The following GLP2R variants were observed in gnomAD, a reference collection of about 807,000 sequenced individuals.
GLP2R encodes the protein glucagon like peptide 2 receptor.
Under a neutral mutation model 68.2 loss-of-function variants are expected in GLP2R, and 59 were observed. That is an observed-to-expected ratio of 0.87 (90% CI 0.70 to 1.07). The LOEUF (loss-of-function observed/expected upper bound fraction) is 1.07, where lower values mean the gene tolerates loss of function less well. Ranked by LOEUF, GLP2R falls within the 50% of genes least tolerant of loss-of-function variation. The pLI, the probability that GLP2R is intolerant of heterozygous loss-of-function variation, is 0.00. For missense variants in GLP2R, 548 were observed against 677.4 expected, an observed-to-expected ratio of 0.81 and a Z score of 2.12; for synonymous variants, 270 against 265.4, an observed-to-expected ratio of 1.02 and a Z score of -0.17.
intron 5 of GLP2R, among the ~76,000 whole-genome samples, chr17:9,856,497 G>T (rs1436594193): frequency 1.3e-5 from 2 of 152,204 alleles, no homozygotes; most frequent in Admixed American, 1.3e-4. Flanking sequence ...CTTTCCTCTG[G>T]TGACAGCAAG....
At chr17:9,883,590 A>G (rs1278378710) in intron 11 of GLP2R, among the ~76,000 whole-genome samples, 1 of 152,366 alleles carries the variant, frequency 6.6e-6, no homozygotes, top group South Asian at 2.1e-4. Flanking sequence ...AAAAATGAAG[A>G]GAAAATATTG....
chr17:9,836,823 GTTATTA>G (rs58592727), intron 3 of GLP2R, among the ~76,000 whole-genome samples: 53 of 150,370 alleles, frequency 3.5e-4, no homozygotes, highest in African/African-American at 1.1e-3. Flanking sequence ...GGACGATCAA[GTTATTA>G]TTATTATTAT....
At chr17:9,833,631 T>C (rs1237919624) in intron 1 of GLP2R, among the ~76,000 whole-genome samples, 176 bp from the exon 2 acceptor site, 1 of 152,198 alleles carries the variant, frequency 6.6e-6, no homozygotes, top group Non-Finnish European at 1.5e-5. Context: ...ATGGAGTGAA[T>C]GTAAAATTTG....
chr17:9,865,561 G>A (rs894382835), intron 9 of GLP2R, among the ~76,000 whole-genome samples: 1 of 152,048 alleles, frequency 6.6e-6, no homozygotes, highest in African/African-American at 2.4e-5. Flanking sequence ...TGCTCTACTC[G>A]TATGGATACA....
chr17:9,860,166 A>G (rs1416775128), intron 7 of GLP2R, 65 bp downstream of exon 7: 2 of 1,419,368 alleles, frequency 1.4e-6, no homozygotes, highest in Admixed American at 5.2e-5. Flanking sequence ...CCTGATAGAG[A>G]CTTTAGTTGG....
Position 9,826,164 on chromosome 17 carries a change from C to T in GLP2R, c.101C>T (p.Thr34Ile). Residue 34 changes from threonine to isoleucine, a missense_variant, in exon 1 of 13, where the codon ACC becomes ATC. Coordinates refer to ENST00000262441, the MANE Select transcript of GLP2R (RefSeq NM_004246.3). The stretch of plus-strand genomic sequence containing the variant: ...ATGGGCATCCCTGCCCCCTGGGGGA[C>T]CAGTCCTCTCTCCTTCCACAGGAAG... ...LPMGIPAPWG[T>I]SPLSFHRKCS... 1 of 1,613,154 alleles carries T rather than the reference C, an allele frequency of 6.2e-7. No homozygotes were observed.
At chr17:9,844,552 A>G (rs1299322937) in intron 4 of GLP2R, among the ~76,000 whole-genome samples, 4 of 151,872 alleles carry the variant, frequency 2.6e-5, no homozygotes, top group African/African-American at 9.7e-5. Flanking sequence ...AGCCAAGGAC[A>G]ACAAGATCGC....
chr17:9,837,361 CT>C (rs1365545641), intron 3 of GLP2R, among the ~76,000 whole-genome samples: 9 of 152,276 alleles, frequency 5.9e-5, no homozygotes, highest in Admixed American at 5.9e-4. Context: ...ATAAGTAGCT[CT>C]CGTACTTTGA....
At chr17:9,835,846 G>C (rs887366772) in intron 2 of GLP2R, among the ~76,000 whole-genome samples, 10 of 151,920 alleles carry the variant, frequency 6.6e-5, no homozygotes, top group African/African-American at 2.2e-4. Flanking sequence ...TTCGAGACCA[G>C]CCTGGCCAAC....
chr17:9,867,822 G>A (rs1301983057), intron 9 of GLP2R, among the ~76,000 whole-genome samples: 4 of 152,130 alleles, frequency 2.6e-5, no homozygotes, highest in African/African-American at 4.8e-5. Context: ...TGAATCTTCC[G>A]TGATAGCCTC....
At chr17:9,866,209 A>G (rs2067035764) in intron 9 of GLP2R, 5 of 249,060 alleles carry the variant, frequency 2.0e-5, no homozygotes, top group African/African-American at 1.1e-4. Flanking sequence ...TCCTTCAGCC[A>G]GGTGAGTTGG....
chr17:9,842,304 A>G (rs1297206386), intron 3 of GLP2R, among the ~76,000 whole-genome samples, 191 bp from the exon 4 acceptor site: 1 of 152,178 alleles, frequency 6.6e-6, no homozygotes, highest in Non-Finnish European at 1.5e-5. Flanking sequence ...TTAGCAGACC[A>G]TGGTGTGTTA....
chr17:9,881,398 T>TTTTTTTTTTA (rs2067194708), intron 11 of GLP2R, among the ~76,000 whole-genome samples: 2 of 116,982 alleles, frequency 1.7e-5, no homozygotes, highest in Non-Finnish European at 3.1e-5. Flanking sequence ...TTTTTTTTTT[T>TTTTTTTTTTA]GAGACGGAGT....
Position 9,862,108 on chromosome 17 carries a change from C to A in GLP2R, c.1056+18C>A. The A allele has an allele frequency of 6.3e-7, 1 of 1,586,598 alleles. No individual in the cohort carries two copies. The highest frequency in any genetic ancestry group is 8.7e-7 in the Non-Finnish European group (1 of 1,155,078). On this transcript the variant is annotated intron_variant, in intron 9 of 12. Transcript: ENST00000262441. The stretch of plus-strand genomic sequence containing the variant: ...GTGTAACAGTAAGGACCATCCCATC[C>A]ACCTCTTTGTCTCGGAGCCTAGCAG...
intron 3 of GLP2R, among the ~76,000 whole-genome samples, chr17:9,839,740 C>T (rs1445931876): frequency 2.0e-5 from 3 of 152,200 alleles, no homozygotes; most frequent in African/African-American, 7.2e-5. Flanking sequence ...CTCTCCCCCA[C>T]GTTCAGGGTT....
chr17:9,889,694 A>C lies in GLP2R; in HGVS notation c.1651A>C (p.Ser551Arg), dbSNP rs1167465651. ...CACCATGGAGGAGATTCTGGAAGAG[A>C]GTGAGATCTAGGGTGGAGTTCCACC... ...ANTMEEILEE[S>R]EI The change falls in exon 13 of 13, where the codon AGT (serine) becomes CGT (arginine). Residue 551 changes from serine (S) to arginine (R), a missense_variant. Coordinates refer to ENST00000262441, the MANE Select transcript of GLP2R (RefSeq NM_004246.3). 1 of 1,559,276 alleles carries C rather than the reference A, an allele frequency of 6.4e-7. No individual in the cohort carries two copies. The highest frequency in any genetic ancestry group is 8.7e-7 in the Non-Finnish European group (1 of 1,148,536).
At chr17:9,836,082 A>G (rs1489819628) in intron 2 of GLP2R, among the ~76,000 whole-genome samples, 1 of 151,646 alleles carries the variant, frequency 6.6e-6, no homozygotes, top group Non-Finnish European at 1.5e-5. Context: ...AGTTTAGTTC[A>G]TGTCAAATAA....
chr17:9,853,322 G>A lies in GLP2R; in HGVS notation c.505-1173G>A, dbSNP rs146372192. Reference sequence around the variant, plus strand: ...CGAGTCCTCCATGGGGTGGTGGCACGTACTTAGGTGGGAGAAAAGGTGGAC... The same window carrying A: ...CGAGTCCTCCATGGGGTGGTGGCACATACTTAGGTGGGAGAAAAGGTGGAC... On this transcript the variant is annotated intron_variant, in intron 4 of 12. Coordinates refer to ENST00000262441, the MANE Select transcript of GLP2R (RefSeq NM_004246.3). 209 of 222,988 alleles carry A rather than the reference G, an allele frequency of 9.4e-4. 1 individual carries two copies. In the East Asian group the frequency reaches 0.014, roughly 15 times the overall value. The allele number at this position is 222,988 out of a possible 1,614,324, so 13.8% of individuals were successfully genotyped here.
At chr17:9,881,998 A>G (rs1372960815) in intron 11 of GLP2R, among the ~76,000 whole-genome samples, 1 of 151,926 alleles carries the variant, frequency 6.6e-6, no homozygotes, top group African/African-American at 2.4e-5. Context: ...AAAATTGGAC[A>G]ATTGTCAATA....
Sources: gnomAD v4.1 joint callset for allele counts (sites outside exome capture counted in the v4.1 genomes callset) on GRCh38, gnomAD v4.1.1 for gene constraint, MANE v1.5 for transcripts, NCBI Gene and HGNC (gene_info 2026-07-23, HGNC 2026-07-21) for gene names.